Variants in OTULIN observed in about 807,000 individuals in gnomAD.
The protein encoded by OTULIN is OTU deubiquitinase with linear linkage specificity, also known as ubiquitin thioesterase otulin.
OTULIN carries 15 observed loss-of-function variants against 39.6 expected under a neutral mutation model. The ratio of observed to expected loss-of-function variants is 0.38; its 90% CI spans 0.25 to 0.58. The LOEUF is 0.58. Among genes scored for constraint, OTULIN ranks in the 20% least tolerant of loss-of-function variants. The pLI, the probability that OTULIN is intolerant of heterozygous loss-of-function variation, is 0.66. For missense variants in OTULIN, 319 were observed against 445.9 expected, an observed-to-expected ratio of 0.72 and a Z score of 2.56; for synonymous variants, 156 against 170.3, an observed-to-expected ratio of 0.92 and a Z score of 0.65.
At position 14,695,734 on chromosome 5, in the gene OTULIN, A is replaced by T. The variant is rs536623149; in HGVS notation, c.*2686A>T. 45 of 152,358 alleles carry T rather than the reference A, an allele frequency of 3.0e-4. No individual in the cohort carries two copies. The highest frequency in any genetic ancestry group is 9.9e-4 in the African/African-American group (41 of 41,586). 9.4% of individuals were successfully genotyped at this position (152,358 alleles called of 1,614,324 possible). A position where few individuals can be genotyped will look rare whatever the true frequency, so the allele number is the denominator to read the frequency against. On this transcript the variant is annotated 3_prime_UTR_variant, in exon 7 of 7. Coordinates refer to ENST00000284274, the MANE Select transcript of OTULIN (RefSeq NM_138348.6). ...TGTTGATTTTATCCATCCACAAGGA[A>T]CAATGATAGTCACATTAGAGAACAA...
At chr5:14,711,300 A>G in the OTULIN span, 2 of 1,613,922 alleles carry the variant, frequency 1.2e-6, no homozygotes, top group South Asian at 1.1e-5. Flanking sequence ...CTCATTCTCC[A>G]TCTTCTTTTT....
chr5:14,677,932 G>A (rs1736147249), intron 2 of OTULIN, among the ~76,000 whole-genome samples: 1 of 152,164 alleles, frequency 6.6e-6, no homozygotes, highest in Admixed American at 6.5e-5. Flanking sequence ...AAGTATTCAT[G>A]AGCACCTGTG....
intron 5 of OTULIN, among the ~76,000 whole-genome samples, chr5:14,688,249 T>C (rs16903644): frequency 0.012 from 1,853 of 152,312 alleles, 42 homozygotes; most frequent in African/African-American, 0.043. Context: ...CTGGCTTACA[T>C]GACCCCTAGC....
At chr5:14,710,971 C>T in the OTULIN span, 14 of 536,884 alleles carry the variant, frequency 2.6e-5, no homozygotes, top group African/African-American at 9.6e-5. Context: ...TCAGTTGTTT[C>T]GTTTGTTTTT....
the OTULIN span, chr5:14,713,047 G>T: frequency 7.0e-7 from 1 of 1,430,312 alleles, no homozygotes; most frequent in African/African-American, 1.4e-5. This position sits in a 1 kb window ranked among gnomAD's most constrained non-coding sequence, Gnocchi z 4.4. Flanking sequence ...CCAAAACCCA[G>T]GAAAGTAAGT....
Position 14,694,898 on chromosome 5 carries a change from T to C in OTULIN, c.*1850T>C, listed in dbSNP as rs557077774. 8.1e-4 allele frequency: 123 copies of C among 152,792 alleles called. 1 individual carries two copies. The highest frequency in any genetic ancestry group is 2.8e-3 in the African/African-American group (118 of 41,586). 9.5% of individuals were successfully genotyped at this position (152,792 alleles called of 1,614,324 possible). On this transcript the variant is annotated 3_prime_UTR_variant, in exon 7 of 7. Transcript: ENST00000284274. ...GGGATTGTACAGCAGGAAATGCTTATCATTAATTTCTGATGTTTTTTAAAG... is the reference window on the plus strand; with the variant it reads ...GGGATTGTACAGCAGGAAATGCTTACCATTAATTTCTGATGTTTTTTAAAG...
intron 5 of OTULIN, among the ~76,000 whole-genome samples, chr5:14,688,563 G>A (rs144936775): frequency 6.6e-6 from 1 of 152,168 alleles, no homozygotes; most frequent in Non-Finnish European, 1.5e-5. Flanking sequence ...TGAACTGAGG[G>A]CCCTGACTTC....
At chr5:14,715,324 T>C in the OTULIN span, among the ~76,000 whole-genome samples, 2 of 152,056 alleles carry the variant, frequency 1.3e-5, no homozygotes, top group Admixed American at 1.3e-4. Context: ...AGAGACGGGG[T>C]TTCACCATGT....
intron 4 of OTULIN, among the ~76,000 whole-genome samples, chr5:14,686,332 G>C (rs1348192290): frequency 2.6e-5 from 4 of 151,948 alleles, no homozygotes; most frequent in African/African-American, 9.7e-5. Context: ...ATGAGGTCTT[G>C]CTCTGTTGCT....
At chr5:14,691,897 A>C (rs1334464963) in intron 6 of OTULIN, among the ~76,000 whole-genome samples, 1 of 152,204 alleles carries the variant, frequency 6.6e-6, no homozygotes, top group African/African-American at 2.4e-5. Flanking sequence ...TTAAGATTTC[A>C]TCCATATTGC....
chr5:14,676,177 G>A (rs572039188), intron 2 of OTULIN, among the ~76,000 whole-genome samples: 4 of 152,302 alleles, frequency 2.6e-5, no homozygotes, highest in Admixed American at 2.6e-4. Context: ...CCCATGTGGT[G>A]GTTAAAGATG....
intron 1 of OTULIN, among the ~76,000 whole-genome samples, chr5:14,666,211 C>G (rs1418338593): frequency 6.6e-6 from 1 of 152,206 alleles, no homozygotes; most frequent in African/African-American, 2.4e-5. Context: ...AATGCAGAAA[C>G]TTTGAAGCCA....
At position 14,698,768 on chromosome 5, in the gene OTULIN, G is replaced by A. The variant is rs1031596334; in HGVS notation, c.*5720G>A. ...GCCATTGTGAGCAGAGGAATCAAGG[G>A]TTTAGGGAGGCAGTATTGGGCAGTG... On this transcript the variant is annotated 3_prime_UTR_variant, in exon 7 of 7. Coordinates refer to ENST00000284274, the MANE Select transcript of OTULIN (RefSeq NM_138348.6). 1 of 152,278 alleles carries A rather than the reference G, an allele frequency of 6.6e-6. No individual in the cohort carries two copies. Among genetic ancestry groups the A allele is most frequent in the Non-Finnish European group, 1.5e-5 (1 of 68,112 alleles). The allele number at this position is 152,278 out of a possible 1,614,324, so 9.4% of individuals were successfully genotyped here. A position where few individuals can be genotyped will look rare whatever the true frequency, so the allele number is the denominator to read the frequency against.
chr5:14,705,199 C>T, the OTULIN span: 3 of 151,920 alleles, frequency 2.0e-5, no homozygotes, highest in Non-Finnish European at 4.4e-5. Flanking sequence ...TTTATACCCA[C>T]AGTTTTGATG....
At chr5:14,712,783 C>T in the OTULIN span, 30 of 1,296,686 alleles carry the variant, frequency 2.3e-5, no homozygotes, top group African/African-American at 1.8e-4. Context: ...CACTGACGAA[C>T]GCCACCATCC....
At chr5:14,672,911 G>T (rs1215221140) in intron 1 of OTULIN, among the ~76,000 whole-genome samples, 2 of 152,158 alleles carry the variant, frequency 1.3e-5, no homozygotes, top group East Asian at 3.8e-4. Flanking sequence ...GGGAAAAGGG[G>T]TGCATCTTCA....
rs1447737198 is a variant in OTULIN at position 14,697,833 on chromosome 5, CCA to C, written c.*4788_*4789del. 1 of 152,164 alleles carries C rather than the reference CCA, an allele frequency of 6.6e-6. No homozygotes were observed. Among genetic ancestry groups the C allele is most frequent in the East Asian group, 1.9e-4 (1 of 5,188 alleles). 9.4% of individuals were successfully genotyped at this position (152,164 alleles called of 1,614,324 possible). On this transcript the variant is annotated 3_prime_UTR_variant, in exon 7 of 7. Transcript: ENST00000284274. ...GGAAGGGACACAGGGCTTAAAATGT[CCA>C]CAGTCTTGGCAGTGGACTTGGCAGT...
intron 1 of OTULIN, among the ~76,000 whole-genome samples, chr5:14,670,287 C>T (rs1735948016): frequency 6.6e-6 from 1 of 152,216 alleles, no homozygotes. Context: ...ATCTTCCCAT[C>T]CCATAACAAA....
At chr5:14,713,711 A>G in the OTULIN span, 1 of 1,611,334 alleles carries the variant, frequency 6.2e-7, no homozygotes, top group Non-Finnish European at 8.5e-7. The surrounding 1 kb of genome is among the most constrained non-coding windows in gnomAD (Gnocchi z 4.4). Flanking sequence ...CCCGCCATCC[A>G]CTCCCCATCC....
Sources: gnomAD v4.1 joint callset for allele counts (sites outside exome capture counted in the v4.1 genomes callset) on GRCh38, gnomAD v4.1.1 for gene constraint, Gnocchi (gnomAD v3.1) non-coding constraint, MANE v1.5 for transcripts, NCBI Gene and HGNC (gene_info 2026-07-23, HGNC 2026-07-21) for gene names.